The following SNTG2 variants were observed in gnomAD, a reference collection of about 807,000 sequenced individuals.
SNTG2 encodes gamma-2-syntrophin.
SNTG2 carries 74 observed loss-of-function variants against 70.9 expected under a neutral mutation model. The ratio of observed to expected loss-of-function variants is 1.04; its 90% confidence interval spans 0.86 to 1.27. SNTG2 has a LOEUF of 1.27. SNTG2 is among the 50% of genes most tolerant of loss of function. The pLI, the probability that SNTG2 is intolerant of heterozygous loss-of-function variation, is 0.00. For synonymous variants in SNTG2, 278 were observed against 273.8 expected (o/e 1.02, Z -0.15); for missense variants, 717 against 690.7 (o/e 1.04, Z -0.43).
intron 1 of SNTG2, among the ~76,000 whole-genome samples, chr2:1,031,543 T>C (rs1304382524): frequency 8.4e-6 from 1 of 119,224 alleles, no homozygotes; most frequent in East Asian, 2.2e-4. Context: ...TTTTTTTTTT[T>C]TTTTTGAGGC....
At chr2:1,209,881 A>C (rs1028227818) in intron 9 of SNTG2, among the ~76,000 whole-genome samples, 2 of 141,914 alleles carry the variant, frequency 1.4e-5, no homozygotes, top group Admixed American at 1.3e-4. Context: ...TCAGCAAAGG[A>C]ATTTTTTTTA....
At chr2:1,055,457 A>G (rs1406244357) in intron 1 of SNTG2, among the ~76,000 whole-genome samples, 1 of 152,174 alleles carries the variant, frequency 6.6e-6, no homozygotes, top group East Asian at 1.9e-4. Flanking sequence ...CACAGAAAGA[A>G]TGCATTTCCA....
At chr2:1,113,687 A>G (rs1572467468) in intron 4 of SNTG2, among the ~76,000 whole-genome samples, 2 of 150,246 alleles carry the variant, frequency 1.3e-5, no homozygotes, top group Non-Finnish European at 2.9e-5. Flanking sequence ...TTTAACCCTT[A>G]CAGTCCTTTG....
intron 4 of SNTG2, among the ~76,000 whole-genome samples, chr2:1,115,033 T>C (rs189950648): frequency 6.6e-6 from 1 of 151,770 alleles, no homozygotes; most frequent in Non-Finnish European, 1.5e-5. Flanking sequence ...CTAAGTGAGG[T>C]TTAACGCTTA....
chr2:1,027,683 C>G (rs1660557978), intron 1 of SNTG2, among the ~76,000 whole-genome samples: 1 of 141,424 alleles, frequency 7.1e-6, no homozygotes, highest in African/African-American at 2.6e-5. Flanking sequence ...TGCGTCTGAC[C>G]TACAGACACT....
At chr2:1,119,086 G>A (rs112826211) in intron 4 of SNTG2, among the ~76,000 whole-genome samples, 1,804 of 151,962 alleles carry the variant, frequency 0.012, 30 homozygotes, top group African/African-American at 0.042. Context: ...TTTCTCAGCA[G>A]AAAACTTGAA....
chr2:990,597 G>T (rs1303259787), intron 1 of SNTG2, among the ~76,000 whole-genome samples: 1 of 152,158 alleles, frequency 6.6e-6, no homozygotes, highest in East Asian at 1.9e-4. Flanking sequence ...TCACATTGCA[G>T]ATTAGAGCTT....
chr2:966,743 G>C, intron 1 of SNTG2, among the ~76,000 whole-genome samples: 1 of 152,164 alleles, frequency 6.6e-6, no homozygotes, highest in South Asian at 2.1e-4. Context: ...TCAGGGGTTC[G>C]AGACCAGCCT....
chr2:1,081,849 T>G (rs1664319079), intron 1 of SNTG2, among the ~76,000 whole-genome samples: 1 of 152,256 alleles, frequency 6.6e-6, no homozygotes, highest in Non-Finnish European at 1.5e-5. Context: ...GCAGTTTTAC[T>G]TATGCTGGGT....
intron 7 of SNTG2, among the ~76,000 whole-genome samples, chr2:1,169,999 G>A (rs540974303): frequency 5.9e-5 from 9 of 152,220 alleles, no homozygotes; most frequent in African/African-American, 1.2e-4. Context: ...AATTCACACC[G>A]TGAAGGTAAA....
At chr2:1,358,370 T>C (rs4927646) in intron 16 of SNTG2, among the ~76,000 whole-genome samples, 108,921 of 151,160 alleles carry the variant, frequency 0.72, 39,531 homozygotes, top group East Asian at 0.94. Flanking sequence ...TTAGTTCTGC[T>C]CCAATCTTTA....
chr2:1,113,782 C>T (rs1221825232), intron 4 of SNTG2, among the ~76,000 whole-genome samples: 1 of 151,570 alleles, frequency 6.6e-6, no homozygotes, highest in Non-Finnish European at 1.5e-5. Flanking sequence ...CACTTACAGT[C>T]CTGTGAGGAG....
intron 6 of SNTG2, among the ~76,000 whole-genome samples, chr2:1,142,425 A>G (rs2068487): frequency 0.36 from 54,775 of 152,184 alleles, 10,863 homozygotes; most frequent in Middle Eastern, 0.47. Context: ...ATAGCCCAGT[A>G]CCATGCCTGC....
At chr2:1,176,498 A>G (rs1671485535) in intron 8 of SNTG2, among the ~76,000 whole-genome samples, 1 of 143,654 alleles carries the variant, frequency 7.0e-6, no homozygotes, top group Non-Finnish European at 1.5e-5. Flanking sequence ...AAAGTTGACA[A>G]ATGGGATCTA....
At chr2:1,103,379 CTTTTTTTTTTTAT>C in intron 4 of SNTG2, 1 of 248,216 alleles carries the variant, frequency 4.0e-6, no homozygotes. Flanking sequence ...TTATAAATTT[CTTTTTTTTTTTAT>C]TTTTTTTTTT....
At chr2:1,244,467 C>T (rs1677273055) in intron 11 of SNTG2, among the ~76,000 whole-genome samples, 1 of 152,070 alleles carries the variant, frequency 6.6e-6, no homozygotes, top group African/African-American at 2.4e-5. Context: ...GAGGCCGAGG[C>T]TGGCGGATCA....
intron 6 of SNTG2, among the ~76,000 whole-genome samples, chr2:1,154,973 T>C (rs561526978): frequency 1.6e-5 from 2 of 128,194 alleles, no homozygotes; most frequent in Admixed American, 7.9e-5. Flanking sequence ...CAAAGACATA[T>C]ACCACATACA....
chr2:1,150,550 A>G (rs5006483), intron 6 of SNTG2, among the ~76,000 whole-genome samples: 142,350 of 151,966 alleles, frequency 0.94, 66,796 homozygotes, highest in Non-Finnish European at 0.97. Flanking sequence ...ACAGAGCAGG[A>G]TGGGGTCAGG....
At chr2:1,146,350 T>C (rs1172813995) in intron 6 of SNTG2, among the ~76,000 whole-genome samples, 1 of 150,452 alleles carries the variant, frequency 6.6e-6, no homozygotes, top group Non-Finnish European at 1.5e-5. Context: ...TAACAAAATA[T>C]GTATAATGTT....
Sources: allele counts gnomAD v4.1 joint callset (sites outside exome capture counted in the v4.1 genomes callset), GRCh38; gene constraint gnomAD v4.1.1; transcripts MANE v1.5; gene names NCBI Gene and HGNC (gene_info 2026-07-23, HGNC 2026-07-21).